The following KCNS3 variants were observed in gnomAD, a reference collection of about 807,000 sequenced individuals.
KCNS3 encodes the protein delayed-rectifier potassium channel regulatory subunit KCNS3.
In KCNS3, 13 loss-of-function variants were observed where a neutral mutation model predicts 31.0. The ratio of observed to expected loss-of-function variants is 0.42; its 90% confidence interval spans 0.27 to 0.67. The LOEUF is 0.67. Among genes scored for constraint, KCNS3 ranks in the 30% least tolerant of loss-of-function variants. The pLI is 0.25. For missense variants in KCNS3, 545 were observed against 622.4 expected, an observed-to-expected ratio of 0.88 and a Z score of 1.32; for synonymous variants, 238 against 241.5, an observed-to-expected ratio of 0.99 and a Z score of 0.13.
At chr2:17,927,075 C>T (rs1662855799) in intron 2 of KCNS3, among the ~76,000 whole-genome samples, 1 of 152,206 alleles carries the variant, frequency 6.6e-6, no homozygotes, top group African/African-American at 2.4e-5. Flanking sequence ...TTAGAAATTT[C>T]TTCCACCAGA....
chr2:17,927,307 A>C (rs1483344825), intron 2 of KCNS3, among the ~76,000 whole-genome samples: 1 of 152,102 alleles, frequency 6.6e-6, no homozygotes, highest in Non-Finnish European at 1.5e-5. Flanking sequence ...GAAGTTCCAA[A>C]CTTTTCCACA....
At chr2:17,924,088 A>C (rs1312096024) in intron 2 of KCNS3, among the ~76,000 whole-genome samples, 1 of 151,756 alleles carries the variant, frequency 6.6e-6, no homozygotes, top group Admixed American at 6.6e-5. Context: ...CTTTTGTTAA[A>C]TTTATTTCTA....
chr2:17,884,932 G>GTTT (rs55738585), intron 1 of KCNS3, among the ~76,000 whole-genome samples: 29,239 of 127,466 alleles, frequency 0.23, 3,478 homozygotes, highest in East Asian at 0.36. Context: ...CTTCCCTGTT[G>GTTT]TTTTTTTTTT....
At chr2:17,908,444 C>G (rs936605028) in intron 1 of KCNS3, among the ~76,000 whole-genome samples, 2 of 152,252 alleles carry the variant, frequency 1.3e-5, no homozygotes, top group African/African-American at 2.4e-5. Flanking sequence ...TCGTCTGAAG[C>G]CTTCTTTTCT....
chr2:17,883,471 G>A (rs1438125859), intron 1 of KCNS3, among the ~76,000 whole-genome samples: 2 of 152,072 alleles, frequency 1.3e-5, no homozygotes, highest in Non-Finnish European at 2.9e-5. Flanking sequence ...TTAAGTAGTG[G>A]TAAGTTCTCT....
intron 1 of KCNS3, among the ~76,000 whole-genome samples, chr2:17,917,128 G>T (rs1425901501): frequency 1.3e-5 from 2 of 152,240 alleles, no homozygotes; most frequent in African/African-American, 4.8e-5. Context: ...CACATAAACT[G>T]TGATTGCACC....
chr2:17,878,407 G>A (rs1189924931), upstream of KCNS3, among the ~76,000 whole-genome samples: 1 of 151,896 alleles, frequency 6.6e-6, no homozygotes, highest in Admixed American at 6.5e-5. Flanking sequence ...TCTGCACTTG[G>A]GCCTGGGCGG....
chr2:17,908,995 A>G (rs540394604), intron 1 of KCNS3, among the ~76,000 whole-genome samples: 6 of 152,354 alleles, frequency 3.9e-5, no homozygotes, highest in Admixed American at 2.6e-4. Context: ...GCTGTCAGAC[A>G]GGGACATTTA....
intron 1 of KCNS3, among the ~76,000 whole-genome samples, chr2:17,915,208 G>T (rs948619973): frequency 3.9e-5 from 6 of 152,224 alleles, no homozygotes; most frequent in African/African-American, 1.4e-4. Flanking sequence ...CAATATTTGA[G>T]TGAGCTTGAT....
At chr2:17,896,391 C>T (rs776470929) in intron 1 of KCNS3, among the ~76,000 whole-genome samples, 9 of 151,926 alleles carry the variant, frequency 5.9e-5, no homozygotes, top group Non-Finnish European at 1.0e-4. Context: ...TAGCCATCCA[C>T]GGAGGGGCAA....
intron 1 of KCNS3, among the ~76,000 whole-genome samples, chr2:17,905,610 C>T (rs1370345858): frequency 6.6e-6 from 1 of 152,076 alleles, no homozygotes; most frequent in African/African-American, 2.4e-5. Context: ...TCATAAATAG[C>T]TCTTATTATT....
At chr2:17,921,511 A>G (rs7602501) in intron 2 of KCNS3, among the ~76,000 whole-genome samples, 142,402 of 152,152 alleles carry the variant, frequency 0.94, 66,919 homozygotes, top group East Asian at 1. Context: ...GTACTAGTTC[A>G]TTCTCACATT....
At chr2:17,910,649 T>A (rs1662449360) in intron 1 of KCNS3, among the ~76,000 whole-genome samples, 1 of 152,012 alleles carries the variant, frequency 6.6e-6, no homozygotes. Context: ...TTTTTTTAAA[T>A]GTTCTAGGAA....
intron 1 of KCNS3, among the ~76,000 whole-genome samples, chr2:17,899,374 A>G (rs1016834924): frequency 1.3e-5 from 2 of 152,172 alleles, no homozygotes; most frequent in Non-Finnish European, 2.9e-5. Flanking sequence ...TGTAGGTACT[A>G]TTATCTTATT....
intron 2 of KCNS3, among the ~76,000 whole-genome samples, chr2:17,924,559 TA>T (rs1662793256): frequency 6.6e-6 from 1 of 152,312 alleles, no homozygotes; most frequent in Admixed American, 6.5e-5. Context: ...TTTTTGTTTT[TA>T]ATCATGAAAG....
intron 1 of KCNS3, among the ~76,000 whole-genome samples, chr2:17,880,882 C>G (rs893029467): frequency 3.9e-5 from 6 of 152,188 alleles, no homozygotes; most frequent in African/African-American, 1.4e-4. Flanking sequence ...ACGTGCATCC[C>G]TCTGTTCTAC....
chr2:17,898,302 C>G (rs142518749), intron 1 of KCNS3, among the ~76,000 whole-genome samples: 40 of 140,640 alleles, frequency 2.8e-4, no homozygotes, highest in African/African-American at 9.8e-4. Flanking sequence ...TTTTTTGGTT[C>G]CATATGAATT....
At chr2:17,878,661 AC>A (rs1374034483), upstream of KCNS3, 2 of 148,556 alleles carry the variant, frequency 1.3e-5, no homozygotes. Flanking sequence ...GGCGGGACCG[AC>A]GGACAGACCG....
intron 1 of KCNS3, among the ~76,000 whole-genome samples, chr2:17,888,639 A>G (rs12474005): frequency 0.019 from 1,453 of 75,288 alleles, 31 homozygotes; most frequent in Non-Finnish European, 0.036. Flanking sequence ...GTATATATAT[A>G]TATATATATA....
Sources: allele counts gnomAD v4.1 joint callset (sites outside exome capture counted in the v4.1 genomes callset), GRCh38; gene constraint gnomAD v4.1.1; transcripts MANE v1.5; gene names NCBI Gene and HGNC (gene_info 2026-07-23, HGNC 2026-07-21).